EPS8L2: variants seen among roughly 807,000 people sequenced by gnomAD.
EPS8L2 encodes the protein epidermal growth factor receptor kinase substrate 8-like protein 2.
In EPS8L2, 81 loss-of-function variants were observed where a neutral mutation model predicts 99.4. The ratio of observed to expected loss-of-function variants is 0.82; its 90% CI spans 0.68 to 0.98. EPS8L2 has a LOEUF of 0.98. Ranked by LOEUF, EPS8L2 falls within the 50% of genes least tolerant of loss-of-function variation. The pLI is 0.00. For synonymous variants in EPS8L2, 509 were observed against 407.3 expected (o/e 1.25, Z -3.01); for missense variants, 1,155 against 968.8 (o/e 1.19, Z -2.55).
rs1415148168 is a variant in EPS8L2 at position 726,638 on chromosome 11, A to G, written c.1954A>G (p.Ile652Val). Residue 652 changes from isoleucine (I) to valine (V), a missense_variant, in exon 20 of 21, where the codon ATC becomes GTC. Physicochemically the swap from Ile to Val is conservative, Grantham distance 29. Transcript: ENST00000318562. ...FSPRIVENLG[I>V]LTGPQLFSLN... ...CCCCAGGATCGTGGAGAACCTGGGC[A>G]TCCTGACCGGGCCGCAGCTCTTCTC... 3.7e-5 allele frequency: 58 copies of G among 1,554,904 alleles called. No individual in the cohort carries two copies. The highest frequency in any genetic ancestry group is 4.6e-5 in the Non-Finnish European group (53 of 1,149,812).
At chr11:714,395 C>G (rs1282815236) in intron 4 of EPS8L2, among the ~76,000 whole-genome samples, 6 of 151,184 alleles carry the variant, frequency 4.0e-5, no homozygotes, top group Non-Finnish European at 7.4e-5. Flanking sequence ...ATGCCCGGCT[C>G]ATTTTTTGTA....
At chr11:709,490 C>A in intron 2 of EPS8L2, 39 bp downstream of exon 2, 2 of 1,607,566 alleles carry the variant, frequency 1.2e-6, no homozygotes, top group Non-Finnish European at 1.7e-6. Context: ...CCACCCTCAC[C>A]CTCTGAACAG....
chr11:726,778 C>G (rs1290801132), intron 20 of EPS8L2, 27 bp downstream of exon 20: 1 of 1,581,242 alleles, frequency 6.3e-7, no homozygotes, highest in South Asian at 1.1e-5. Flanking sequence ...TCCGGCGCCA[C>G]GCCCCTCCTG....
chr11:726,607 GC>G lies in EPS8L2; in HGVS notation c.1935-9del. 1 of 1,543,538 alleles carries G rather than the reference GC, an allele frequency of 6.5e-7. No homozygotes were observed. The highest frequency in any genetic ancestry group is 8.7e-7 in the Non-Finnish European group (1 of 1,143,372). On this transcript the variant is annotated splice_polypyrimidine_tract_variant and intron_variant, in intron 19 of 20. Transcript: ENST00000318562. ...CACAGCGCGGCCCTGACGCCCAACT[GC>G]CCGCCCCCAGGATCGTGGAGAACCT...
At position 710,493 on chromosome 11, in the gene EPS8L2, C is replaced by G. The variant is rs1861857274; in HGVS notation, c.165+7C>G. ...CTCGCAGTACCACGTCCAGGTAAGG[C>G]CCCGCCCCCAGGTAGGCTCCGCCCC... is the stretch of plus-strand genomic sequence containing the variant. On this transcript the variant is annotated splice_region_variant and intron_variant, in intron 4 of 20. Coordinates refer to ENST00000318562, the MANE Select transcript of EPS8L2 (RefSeq NM_022772.4). 6.2e-7 allele frequency: 1 copy of G among 1,613,040 alleles called. No individual in the cohort carries two copies. The highest frequency in any genetic ancestry group is 8.5e-7 in the Non-Finnish European group (1 of 1,179,448).
At position 721,344 on chromosome 11, in the gene EPS8L2, A is replaced by G. The variant is rs11555483; in HGVS notation, c.760A>G (p.Lys254Glu). ...PRAVLAQKIE[K>E]ETQILNCALD... The stretch of plus-strand genomic sequence containing the variant: ...GGCCGTGCTGGCTCAGAAGATAGAG[A>G]AGGAGACGGTGGGTGCCCGGGCCCG... Residue 254 changes from lysine to glutamate, a missense_variant, in exon 9 of 21, where the codon AAG becomes GAG. Transcript: ENST00000318562. 6.5e-7 allele frequency: 1 copy of G among 1,538,592 alleles called. No individual in the cohort carries two copies. The highest frequency in any genetic ancestry group is 1.4e-5 in the African/African-American group (1 of 72,686).
intron 5 of EPS8L2, 124 bp downstream of exon 5, chr11:720,347 C>T: frequency 8.4e-7 from 1 of 1,188,072 alleles, no homozygotes; most frequent in Admixed American, 2.5e-5. Flanking sequence ...CATTCTGGTC[C>T]CTGGAAGAGG....
chr11:709,577 T>C lies in EPS8L2; in HGVS notation c.69T>C (p.Gly23=), dbSNP rs1364364018. 1 of 1,611,640 alleles carries C rather than the reference T, an allele frequency of 6.2e-7. No homozygotes were observed. The highest frequency in any genetic ancestry group is 1.3e-5 in the African/African-American group (1 of 74,808). The change falls in exon 3 of 21, where the codon GGT becomes GGC. Residue 23 remains glycine, a synonymous_variant. Transcript: ENST00000318562. ...GTGGCAGCCTGGGCCGGTCCGACGG[T>C]GTGGCCAAGATGAGCCCCAAGGACC... ...ATNGSLGRSD[G]VAKMSPKDLF...
chr11:713,630 C>T (rs1244169419), intron 4 of EPS8L2, among the ~76,000 whole-genome samples: 5 of 152,082 alleles, frequency 3.3e-5, no homozygotes, highest in Non-Finnish European at 5.9e-5. Context: ...CTGCAACCTC[C>T]GCCTCAAGGG....
At position 722,412 on chromosome 11, in the gene EPS8L2, C is replaced by T. The variant is rs1474072369; in HGVS notation, c.1071C>T (p.Thr357=). The T allele has an allele frequency of 6.2e-7, 1 of 1,612,772 alleles. No homozygotes were observed. The highest frequency in any genetic ancestry group is 1.3e-5 in the African/African-American group (1 of 74,896). Residue 357 remains threonine (T), a synonymous_variant, in exon 13 of 21, where the codon ACC becomes ACT. Transcript: ENST00000318562. ...LFGPLDLIVN[T]CSGPDIARSV... ...TCACTGTGCCCCAGATCGTCAACAC[C>T]TGCAGTGGCCCAGACATCGCACGCT...
intron 4 of EPS8L2, among the ~76,000 whole-genome samples, chr11:710,866 A>G (rs1402728568): frequency 3.3e-5 from 5 of 152,062 alleles, no homozygotes; most frequent in Non-Finnish European, 7.4e-5. Context: ...AGAACTGCCC[A>G]CACTGTCCCG....
At chr11:709,800 C>A in intron 3 of EPS8L2, 192 bp downstream of exon 3, 2 of 626,006 alleles carry the variant, frequency 3.2e-6, no homozygotes, top group Non-Finnish European at 5.6e-6. Context: ...CCCCCACACC[C>A]GTAAGGGGAG....
chr11:721,060 C>T lies in EPS8L2; in HGVS notation c.558-4C>T. On this transcript the variant is annotated splice_polypyrimidine_tract_variant and splice_region_variant and intron_variant, in intron 7 of 20. Transcript: ENST00000318562. ...GGGCTGAGCAGGACCCCCTCGCCCT[C>T]CAGGGGACACCAGGAGAAGATTCGG... 1 of 1,444,904 alleles carries T rather than the reference C, an allele frequency of 6.9e-7. No individual in the cohort carries two copies. 89.5% of individuals were successfully genotyped at this position (1,444,904 alleles called of 1,614,324 possible).
chr11:726,528 G>A (rs562972061), intron 19 of EPS8L2, 44 bp downstream of exon 19: 2 of 1,515,992 alleles, frequency 1.3e-6, no homozygotes, highest in Non-Finnish European at 1.8e-6. Flanking sequence ...GCGAGGGGTG[G>A]GAGGTGCGGC....
Position 720,967 on chromosome 11 carries a change from G to A in EPS8L2, c.557+58G>A, listed in dbSNP as rs1393228304. 3.1e-6 allele frequency: 4 copies of A among 1,299,910 alleles called. No homozygotes were observed. The African/African-American group carries it at 4.3e-5, about 14-fold the overall frequency. The allele number at this position is 1,299,910 out of a possible 1,614,324, so 80.5% of individuals were successfully genotyped here. A position where few individuals can be genotyped will look rare whatever the true frequency, so the allele number is the denominator to read the frequency against. ...GCGGGGAGGGGAGGAGCCCGGCAGG[G>A]GAGGGGAGGAGCCGGCAGGGGAGGG... On this transcript the variant is annotated intron_variant, in intron 7 of 20. Transcript: ENST00000318562.
intron 1 of EPS8L2, among the ~76,000 whole-genome samples, chr11:707,966 T>G (rs376721156): frequency 6.6e-6 from 1 of 152,080 alleles, no homozygotes; most frequent in South Asian, 2.1e-4. Flanking sequence ...CACGGATAGA[T>G]GGATGGAGGA....
In EPS8L2 at chr11:720,978, G is replaced by GCCCGGCAGGGAGGGAGGAGC. The variant is rs5789193; in HGVS notation, c.557+71_557+72insCGGCAGGGAGGGAGGAGCCC. ...AGGAGCCCGGCAGGGGAGGGGAGGA[G>GCCCGGCAGGGAGGGAGGAGC]CCGGCAGGGGAGGGGAGGAGCCCGG... is the stretch of plus-strand genomic sequence containing the variant. On this transcript the variant is annotated intron_variant, in intron 7 of 20. Transcript: ENST00000318562. 3.6e-6 allele frequency: 4 copies of GCCCGGCAGGGAGGGAGGAGC among 1,102,026 alleles called. 1 individual carries two copies. The highest frequency in any genetic ancestry group is 5.0e-6 in the Non-Finnish European group (4 of 803,300). 68.3% of individuals were successfully genotyped at this position (1,102,026 alleles called of 1,614,324 possible).
chr11:727,466 G>C lies in EPS8L2; in HGVS notation c.*485G>C, dbSNP rs1001194261. 6.5e-6 allele frequency: 1 copy of C among 154,116 alleles called. No homozygotes were observed. Among genetic ancestry groups the C allele is most frequent in the Non-Finnish European group, 1.4e-5 (1 of 69,128 alleles). 9.5% of individuals were successfully genotyped at this position (154,116 alleles called of 1,614,324 possible). ...CAGCAGGAGGCCGTGGGTGCCATTC[G>C]GGGGAAAGTGGGGGAACGACACACA... On this transcript the variant is annotated 3_prime_UTR_variant, in exon 21 of 21. Transcript: ENST00000318562.
intron 4 of EPS8L2, among the ~76,000 whole-genome samples, chr11:712,507 G>A (rs972121438): frequency 2.6e-5 from 4 of 151,980 alleles, no homozygotes; most frequent in African/African-American, 7.3e-5. Context: ...GGTGCGAGCT[G>A]GGCTTCCGGT....
Sources: allele counts gnomAD v4.1 joint callset (sites outside exome capture counted in the v4.1 genomes callset), GRCh38; gene constraint gnomAD v4.1.1; transcripts MANE v1.5; gene names NCBI Gene and HGNC (gene_info 2026-07-23, HGNC 2026-07-21).